ANKS1B: variants seen among roughly 807,000 people sequenced by gnomAD.
ANKS1B encodes ankyrin repeat and sterile alpha motif domain containing 1B.
A neutral mutation model predicts 148.3 loss-of-function variants in ANKS1B; 36 were observed. That is an observed-to-expected ratio of 0.24 (90% confidence interval 0.19 to 0.32). ANKS1B has a LOEUF of 0.32. Among genes scored for constraint, ANKS1B ranks in the 10% least tolerant of loss-of-function variants. ANKS1B has a pLI of 1.00. For synonymous variants in ANKS1B, 542 were observed against 560.8 expected (o/e 0.97, Z 0.47); for missense variants, 1,157 against 1,542.6 (o/e 0.75, Z 4.19).
chr12:98,952,813 C>A (rs2099856075), intron 17 of ANKS1B, among the ~76,000 whole-genome samples: 1 of 152,128 alleles, frequency 6.6e-6, no homozygotes, highest in African/African-American at 2.4e-5. Flanking sequence ...ATTTTTCTAC[C>A]ATAATTCTCC....
intron 17 of ANKS1B, among the ~76,000 whole-genome samples, chr12:98,966,063 T>G (rs911950684): frequency 2.0e-5 from 3 of 152,166 alleles, no homozygotes; most frequent in Non-Finnish European, 2.9e-5. Context: ...CTAATTAGAC[T>G]AAAGAGCTTC....
At chr12:99,876,123 A>G (rs1603423668) in intron 1 of ANKS1B, among the ~76,000 whole-genome samples, 2 of 152,268 alleles carry the variant, frequency 1.3e-5, no homozygotes, top group Non-Finnish European at 2.9e-5. Flanking sequence ...TCCTAACTCT[A>G]TATCAAACAT....
intron 8 of ANKS1B, among the ~76,000 whole-genome samples, chr12:99,757,643 G>A (rs1361843270): frequency 1.3e-5 from 2 of 151,976 alleles, no homozygotes; most frequent in Non-Finnish European, 2.9e-5. Flanking sequence ...GCACACATAT[G>A]TTCATTACAG....
intron 17 of ANKS1B, among the ~76,000 whole-genome samples, chr12:99,011,780 A>T (rs2099939576): frequency 6.6e-6 from 1 of 152,220 alleles, no homozygotes; most frequent in Non-Finnish European, 1.5e-5. Context: ...AAAAAGATAA[A>T]ATCTAATCAA....
chr12:99,965,678 C>G (rs2095476245), intron 1 of ANKS1B, among the ~76,000 whole-genome samples: 1 of 152,202 alleles, frequency 6.6e-6, no homozygotes, highest in African/African-American at 2.4e-5. Context: ...AATCCCAGCA[C>G]TCTGGATGGC....
rs10526476 is a variant in ANKS1B, at chr12:99,333,854, G to GTTT, written c.1756+65774_1756+65776dup. 1.8e-4 allele frequency among the ~76,000 whole-genome samples: 19 copies of GTTT among 107,442 alleles called. 1 individual carries two copies. The highest frequency in any genetic ancestry group is 4.4e-4 in the African/African-American group (11 of 25,100). 70.5% of individuals were successfully genotyped at this position (107,442 alleles called of 152,430 possible). ...ATCAAAGTCACATTTCCAGTTCTCA[G>GTTT]TTTTTTTTTTTTTTTTTTTTTAACA... is the stretch of plus-strand genomic sequence containing the variant. On this transcript the variant is annotated intron_variant, in intron 12 of 26. Transcript: ENST00000683438.
intron 17 of ANKS1B, among the ~76,000 whole-genome samples, chr12:99,013,511 A>G (rs532128204): frequency 1.6e-4 from 25 of 152,348 alleles, no homozygotes; most frequent in African/African-American, 5.8e-4. Flanking sequence ...AGTTCTGGAC[A>G]GGGCAATCAG....
chr12:99,188,310 T>A (rs2080166391), intron 14 of ANKS1B, among the ~76,000 whole-genome samples: 1 of 152,174 alleles, frequency 6.6e-6, no homozygotes, highest in Non-Finnish European at 1.5e-5. Context: ...AACAAGGATA[T>A]TCGGGACTTG....
chr12:99,627,003 T>C (rs149204756), intron 9 of ANKS1B, among the ~76,000 whole-genome samples: 65 of 152,278 alleles, frequency 4.3e-4, no homozygotes, highest in African/African-American at 1.5e-3. Context: ...CCCTTTTCTC[T>C]CACAAATTCC....
chr12:99,628,938 A>G (rs912901803), intron 9 of ANKS1B, among the ~76,000 whole-genome samples: 9 of 152,210 alleles, frequency 5.9e-5, no homozygotes, highest in African/African-American at 2.2e-4. Flanking sequence ...AGTACATATT[A>G]ATGTGGATCT....
At chr12:99,377,134 A>T (rs1172968409) in intron 12 of ANKS1B, among the ~76,000 whole-genome samples, 1 of 151,844 alleles carries the variant, frequency 6.6e-6, no homozygotes, top group East Asian at 1.9e-4. Context: ...CAGCCTCCCA[A>T]GTAGCTGGGA....
At chr12:98,909,836 G>A (rs1031604602) in intron 17 of ANKS1B, among the ~76,000 whole-genome samples, 1 of 152,218 alleles carries the variant, frequency 6.6e-6, no homozygotes, top group Non-Finnish European at 1.5e-5. Context: ...ATTCAGCCAA[G>A]TCAAGACCAA....
chr12:99,901,984 TGA>T (rs1421625257), intron 1 of ANKS1B, among the ~76,000 whole-genome samples: 1 of 152,200 alleles, frequency 6.6e-6, no homozygotes. Flanking sequence ...GTGCAAGTGC[TGA>T]GATAAGAATA....
rs373673986 is a variant in ANKS1B, at chr12:98,744,915, G to C, written c.*824C>G. 1.4e-4 allele frequency: 136 copies of C among 985,482 alleles called. 5 individuals are homozygous for C. In the South Asian group the frequency reaches 5.9e-3, roughly 43 times the overall value. The allele number at this position is 985,482 out of a possible 1,614,324, so 61.0% of individuals were successfully genotyped here. On this transcript the variant is annotated 3_prime_UTR_variant, in exon 27 of 27. Coordinates refer to ENST00000683438, the MANE Select transcript of ANKS1B (RefSeq NM_001352186.2). ...CTCTAGGGAGCATCACCAGTATTTT[G>C]CCACCACTGAGCCAGTCCTCTTGGT...
chr12:99,706,943 G>A (rs924412180), intron 8 of ANKS1B, among the ~76,000 whole-genome samples: 4 of 152,086 alleles, frequency 2.6e-5, no homozygotes, highest in Non-Finnish European at 5.9e-5. Context: ...CCACAGACGA[G>A]GTCCCATTCC....
chr12:98,895,082 G>A (rs1430890754), intron 17 of ANKS1B: 3 of 972,948 alleles, frequency 3.1e-6, no homozygotes, highest in Non-Finnish European at 3.7e-6. Context: ...TGCCCGGGGT[G>A]GGCGGCGAGG....
intron 12 of ANKS1B, among the ~76,000 whole-genome samples, chr12:99,257,733 T>G (rs1222775827): frequency 6.6e-6 from 1 of 152,152 alleles, no homozygotes; most frequent in Non-Finnish European, 1.5e-5. Context: ...ATTATTAACT[T>G]TATTACTTGA....
intron 17 of ANKS1B, among the ~76,000 whole-genome samples, chr12:98,882,973 T>C (rs1465236647): frequency 1.3e-5 from 2 of 152,324 alleles, no homozygotes; most frequent in East Asian, 3.9e-4. Context: ...CTTTAGAGTG[T>C]ATTTTTAAAA....
chr12:98,862,560 A>G (rs1425035671), intron 17 of ANKS1B, among the ~76,000 whole-genome samples: 3 of 152,214 alleles, frequency 2.0e-5, no homozygotes, highest in Non-Finnish European at 4.4e-5. Flanking sequence ...CCATGAGAAT[A>G]TGAAATTTCA....
Sources: allele counts gnomAD v4.1 joint callset (sites outside exome capture counted in the v4.1 genomes callset), GRCh38; gene constraint gnomAD v4.1.1; transcripts MANE v1.5; gene names NCBI Gene and HGNC (gene_info 2026-07-23, HGNC 2026-07-21).